Variants in LMCD1 observed in about 807,000 individuals in gnomAD.
LMCD1 encodes LIM and cysteine rich domains 1, also known as LIM and cysteine-rich domains protein 1.
LMCD1 carries 32 observed loss-of-function variants against 42.7 expected under a neutral mutation model. The observed-to-expected ratio is 0.75, with a 90% CI of 0.57 to 1.01. The LOEUF is 1.01. Ranked by LOEUF, LMCD1 falls within the 50% of genes least tolerant of loss-of-function variation. The probability of loss-of-function intolerance (pLI) is 0.00; values close to 1 mark genes in which losing one functional copy is unlikely to be tolerated. For missense variants in LMCD1, 458 were observed against 483.1 expected, an observed-to-expected ratio of 0.95 and a Z score of 0.49; for synonymous variants, 178 against 184.9, an observed-to-expected ratio of 0.96 and a Z score of 0.30.
At chr3:8,544,196 C>T (rs564851609) in intron 3 of LMCD1, among the ~76,000 whole-genome samples, 12 of 152,230 alleles carry the variant, frequency 7.9e-5, no homozygotes, top group Non-Finnish European at 1.0e-4. Context: ...CTTCTCATGA[C>T]GGTCAGAACC....
intron 4 of LMCD1, among the ~76,000 whole-genome samples, chr3:8,552,966 A>G (rs1023316196): frequency 6.6e-6 from 1 of 151,852 alleles, no homozygotes; most frequent in Non-Finnish European, 1.5e-5. Context: ...CTCGTGATCC[A>G]CCCGCCTCAG....
intron 1 of LMCD1, among the ~76,000 whole-genome samples, chr3:8,514,224 G>A (rs1478772647): frequency 1.3e-5 from 2 of 152,228 alleles, no homozygotes; most frequent in East Asian, 1.9e-4. Context: ...GAATAAGCAT[G>A]TCACAAAAGA....
intron 4 of LMCD1, among the ~76,000 whole-genome samples, chr3:8,561,084 T>C (rs1695026330): frequency 6.6e-6 from 1 of 152,218 alleles, no homozygotes; most frequent in Non-Finnish European, 1.5e-5. Context: ...TCAAAGTATA[T>C]AAGTTAAGAA....
chr3:8,522,321 A>G (rs900252923), intron 1 of LMCD1, among the ~76,000 whole-genome samples: 2 of 152,170 alleles, frequency 1.3e-5, no homozygotes, highest in East Asian at 1.9e-4. Context: ...AAGGGCATCC[A>G]TGGTGGCTTG....
At chr3:8,530,212 G>C (rs539796960) in intron 1 of LMCD1, among the ~76,000 whole-genome samples, 2 of 152,274 alleles carry the variant, frequency 1.3e-5, no homozygotes, top group Non-Finnish European at 2.9e-5. Context: ...GAACCACTTC[G>C]TAACATCTCA....
chr3:8,502,370 AAT>A (rs60769903), intron 1 of LMCD1, among the ~76,000 whole-genome samples: 1,789 of 65,936 alleles, frequency 0.027, 96 homozygotes, highest in African/African-American at 0.085. Flanking sequence ...TATTATATAA[AAT>A]ATATATAATA....
rs563957014 is a variant in LMCD1, at chr3:8,532,478, T to C, written c.43-259T>C. On this transcript the variant is annotated intron_variant, in intron 1 of 5. Transcript: ENST00000157600. Reference sequence around the variant, plus strand: ...CAGTCTTGCTGTTTTGAAACAGCACTGGAGGCTGGGAAAGAACCCCCATTG... The same window carrying C: ...CAGTCTTGCTGTTTTGAAACAGCACCGGAGGCTGGGAAAGAACCCCCATTG... Among the ~76,000 whole-genome samples, 4 of 152,266 alleles carry C rather than the reference T, an allele frequency of 2.6e-5. No homozygotes were observed. In the East Asian group the frequency reaches 7.7e-4, roughly 29 times the overall value.
At chr3:8,563,278 T>C (rs573816126) in intron 4 of LMCD1, among the ~76,000 whole-genome samples, 2 of 152,308 alleles carry the variant, frequency 1.3e-5, no homozygotes, top group South Asian at 2.1e-4. Context: ...TCAGAGAAGA[T>C]TTCCCAGAAC....
At chr3:8,512,553 C>T (rs937253490) in intron 1 of LMCD1, among the ~76,000 whole-genome samples, 3 of 152,194 alleles carry the variant, frequency 2.0e-5, no homozygotes, top group African/African-American at 7.2e-5. Context: ...GATGGAAAAG[C>T]TTTGTTTCCT....
chr3:8,563,431 G>C (rs1485784543), intron 4 of LMCD1, among the ~76,000 whole-genome samples: 1 of 152,260 alleles, frequency 6.6e-6, no homozygotes, highest in African/African-American at 2.4e-5. Flanking sequence ...AGCAACTATT[G>C]ATGGGGAATT....
At chr3:8,529,511 T>A (rs1254455686) in intron 1 of LMCD1, among the ~76,000 whole-genome samples, 5 of 152,194 alleles carry the variant, frequency 3.3e-5, no homozygotes, top group Non-Finnish European at 5.9e-5. Context: ...TGGGCTTTCT[T>A]TGTGCTTGTT....
At chr3:8,507,076 C>T (rs1271705225) in intron 1 of LMCD1, among the ~76,000 whole-genome samples, 3 of 152,174 alleles carry the variant, frequency 2.0e-5, no homozygotes, top group African/African-American at 7.2e-5. Flanking sequence ...GAGGATTTGG[C>T]CAGCAGCTGC....
In LMCD1 at chr3:8,548,721, C is replaced by A. The variant is rs749139875; in HGVS notation, c.541C>A (p.Leu181Met). The A allele has an allele frequency of 6.2e-7, 1 of 1,614,142 alleles. No homozygotes were observed. The highest frequency in any genetic ancestry group is 1.6e-4 in the Middle Eastern group (1 of 6,062). Residue 181 changes from leucine to methionine, a missense_variant, in exon 4 of 6, where the codon CTG (leucine) becomes ATG (methionine). Leu to Met is a conservative substitution (Grantham distance 15). Coordinates refer to ENST00000157600, the MANE Select transcript of LMCD1 (RefSeq NM_014583.4). ...CRGLLENELKLMEEFVKQYKS... is the reference protein window; with the variant it reads ...CRGLLENELKMMEEFVKQYKS... ...TGGACTTTTGGAGAATGAGTTGAAA[C>A]TGATGGAAGAATTTGTCAAGCAATA...
intron 1 of LMCD1, among the ~76,000 whole-genome samples, chr3:8,520,833 T>A (rs969137686): frequency 1.3e-5 from 2 of 152,170 alleles, no homozygotes; most frequent in African/African-American, 4.8e-5. Flanking sequence ...CTCAAAAGAT[T>A]CATTAAAAGT....
chr3:8,510,164 C>G (rs1026657082), intron 1 of LMCD1, among the ~76,000 whole-genome samples: 3 of 152,154 alleles, frequency 2.0e-5, no homozygotes, highest in Non-Finnish European at 2.9e-5. Flanking sequence ...GGTACTGATT[C>G]ATGAGGCTGA....
intron 3 of LMCD1, among the ~76,000 whole-genome samples, chr3:8,545,172 T>C (rs190127241): frequency 4.6e-5 from 7 of 152,202 alleles, no homozygotes; most frequent in South Asian, 2.1e-4. Flanking sequence ...CTTATGTCCA[T>C]AATGATTTAA....
chr3:8,564,743 T>C (rs1463503073), intron 4 of LMCD1, among the ~76,000 whole-genome samples: 1 of 152,198 alleles, frequency 6.6e-6, no homozygotes, highest in Admixed American at 6.5e-5. Context: ...TGTGTCAAAT[T>C]TTACTGTAGT....
intron 4 of LMCD1, 111 bp from the exon 5 acceptor site, chr3:8,565,321 G>T (rs1695108066): frequency 4.5e-6 from 4 of 886,730 alleles, no homozygotes; most frequent in African/African-American, 3.3e-5. Context: ...GAGGTATAGT[G>T]ACTTGCCCAA....
chr3:8,544,375 AG>A lies in LMCD1; in HGVS notation c.388-4192del, dbSNP rs200663903. 6.2e-3 allele frequency among the ~76,000 whole-genome samples: 937 copies of A among 152,252 alleles called. 9 individuals are homozygous for A. Among genetic ancestry groups the A allele is most frequent in the African/African-American group, 0.021 (889 of 41,544 alleles). ...TTCTGTCTGAGAAAGCACCTTGAAA[AG>A]CATTCAGAGGTGTGCAGACATACCT... On this transcript the variant is annotated intron_variant, in intron 3 of 5. Transcript: ENST00000157600.
Sources: gnomAD v4.1 joint callset for allele counts (sites outside exome capture counted in the v4.1 genomes callset) on GRCh38, gnomAD v4.1.1 for gene constraint, MANE v1.5 for transcripts, NCBI Gene and HGNC (gene_info 2026-07-23, HGNC 2026-07-21) for gene names.